FHIT: variants seen among roughly 807,000 people sequenced by gnomAD.
FHIT encodes bis(5'-adenosyl)-triphosphatase.
In FHIT, 19 loss-of-function variants were observed where a neutral mutation model predicts 17.9. That is an observed-to-expected ratio of 1.06 (90% confidence interval 0.74 to 1.56). The LOEUF (loss-of-function observed/expected upper bound fraction) is 1.56, where lower values mean the gene tolerates loss of function less well. Ranked by LOEUF, FHIT falls within the 40% of genes most tolerant of loss-of-function variation. The pLI is 0.00. For synonymous variants in FHIT, 81 were observed against 69.7 expected (o/e 1.16, Z -0.81); for missense variants, 248 against 189.2 (o/e 1.31, Z -1.82).
intron 5 of FHIT, among the ~76,000 whole-genome samples, chr3:60,416,447 G>A (rs1190242670): frequency 1.3e-5 from 2 of 152,144 alleles, no homozygotes; most frequent in African/African-American, 2.4e-5. Context: ...TAGAGTTTGT[G>A]AAACTTTTTA....
chr3:59,761,461 C>T (rs1376219860), intron 8 of FHIT, among the ~76,000 whole-genome samples: 3 of 151,980 alleles, frequency 2.0e-5, no homozygotes, highest in Non-Finnish European at 2.9e-5. Context: ...CATACACAAA[C>T]CTATGATAAA....
intron 1 of FHIT, among the ~76,000 whole-genome samples, chr3:61,203,741 T>C (rs1449856690): frequency 1.3e-5 from 2 of 152,206 alleles, no homozygotes; most frequent in African/African-American, 4.8e-5. Context: ...AAGGGGGTAA[T>C]AAATTGTTTA....
intron 4 of FHIT, among the ~76,000 whole-genome samples, chr3:60,561,021 G>T (rs1022068817): frequency 6.6e-6 from 1 of 151,848 alleles, no homozygotes; most frequent in Non-Finnish European, 1.5e-5. Flanking sequence ...GCAAATAATT[G>T]ATACCCAACA....
intron 5 of FHIT, among the ~76,000 whole-genome samples, chr3:60,396,027 C>T (rs1222514600): frequency 2.0e-5 from 3 of 152,122 alleles, no homozygotes; most frequent in East Asian, 3.9e-4. Flanking sequence ...ACAGCTAACA[C>T]ACCAAGCCTT....
intron 4 of FHIT, among the ~76,000 whole-genome samples, chr3:60,650,278 T>A (rs1391100666): frequency 1.3e-5 from 2 of 152,198 alleles, no homozygotes; most frequent in Non-Finnish European, 2.9e-5. Flanking sequence ...TTTGTCTTAG[T>A]TTCTTGTGGT....
intron 5 of FHIT, among the ~76,000 whole-genome samples, chr3:60,039,685 T>G (rs558212009): frequency 1.3e-5 from 2 of 152,352 alleles, no homozygotes; most frequent in East Asian, 3.9e-4. Flanking sequence ...AAAATAGTCC[T>G]ATAAAGTGTT....
intron 7 of FHIT, among the ~76,000 whole-genome samples, chr3:59,993,391 A>T (rs1699372641): frequency 6.6e-6 from 1 of 152,064 alleles, no homozygotes; most frequent in African/African-American, 2.4e-5. Flanking sequence ...GACTGTATTA[A>T]AACAGTGGTA....
chr3:60,448,101 A>G (rs1027163204), intron 5 of FHIT, among the ~76,000 whole-genome samples: 2 of 152,172 alleles, frequency 1.3e-5, no homozygotes, highest in African/African-American at 2.4e-5. Context: ...GGGACTGTCC[A>G]TGGTGGATAC....
Position 61,120,940 on chromosome 3 carries a change from G to A in FHIT, c.-163-78841C>T, listed in dbSNP as rs144272819. Among the ~76,000 whole-genome samples, 629 of 151,682 alleles carry A rather than the reference G, an allele frequency of 4.1e-3. 4 individuals carry two copies. The highest frequency in any genetic ancestry group is 7.1e-3 in the Non-Finnish European group (480 of 67,924). On this transcript the variant is annotated intron_variant, in intron 2 of 9. Transcript: ENST00000492590. The stretch of plus-strand genomic sequence containing the variant: ...CTGAAAAACACAGCATGAGAACTTC[G>A]TAAAGCATACACAAGTATCATAGTC...
intron 8 of FHIT, among the ~76,000 whole-genome samples, chr3:59,904,079 C>A (rs1179426508): frequency 7.0e-6 from 1 of 143,016 alleles, no homozygotes; most frequent in Non-Finnish European, 1.5e-5. Flanking sequence ...TTTTTTCTCC[C>A]CCACACCCCC....
At chr3:59,793,189 T>C (rs1156541565) in intron 8 of FHIT, among the ~76,000 whole-genome samples, 1 of 152,166 alleles carries the variant, frequency 6.6e-6, no homozygotes, top group Non-Finnish European at 1.5e-5. Flanking sequence ...CTCAAGTTTT[T>C]GCATCTAATT....
chr3:60,209,312 A>G (rs1703341912), intron 5 of FHIT, among the ~76,000 whole-genome samples: 1 of 152,168 alleles, frequency 6.6e-6, no homozygotes, highest in Admixed American at 6.5e-5. Flanking sequence ...GCACAGCTAT[A>G]TTACGTCTAG....
At position 59,998,834 on chromosome 3, in the gene FHIT, A is replaced by G. The variant is rs188123768; in HGVS notation, c.279+12537T>C. 1.8e-4 allele frequency among the ~76,000 whole-genome samples: 27 copies of G among 152,222 alleles called. No individual in the cohort carries two copies. The East Asian group carries it at 5.2e-3, about 29-fold the overall frequency. Reference sequence around the variant, plus strand: ...AGTTTATTTCTGACACCTAAACCTAATCAAAGTCCACTATTTAGAAATCCA... The same window carrying G: ...AGTTTATTTCTGACACCTAAACCTAGTCAAAGTCCACTATTTAGAAATCCA... On this transcript the variant is annotated intron_variant, in intron 7 of 9. Coordinates refer to ENST00000492590, the MANE Select transcript of FHIT (RefSeq NM_002012.4).
chr3:60,877,017 C>T (rs1023877572), intron 3 of FHIT, among the ~76,000 whole-genome samples: 2 of 152,182 alleles, frequency 1.3e-5, no homozygotes, highest in African/African-American at 4.8e-5. Context: ...CCTCCACCAA[C>T]ACCTTGGACA....
chr3:60,204,637 T>C (rs551318207), intron 5 of FHIT, among the ~76,000 whole-genome samples: 1 of 151,972 alleles, frequency 6.6e-6, no homozygotes, highest in East Asian at 1.9e-4. Flanking sequence ...CCAATAAAAA[T>C]GAAAAGATGC....
chr3:61,153,254 T>C (rs552690636), intron 2 of FHIT, among the ~76,000 whole-genome samples: 1 of 151,824 alleles, frequency 6.6e-6, no homozygotes, highest in Non-Finnish European at 1.5e-5. Flanking sequence ...CAAGTTGCCA[T>C]AAATTGAAAA....
At chr3:61,176,158 T>C (rs1416962200) in intron 2 of FHIT, among the ~76,000 whole-genome samples, 6 of 152,262 alleles carry the variant, frequency 3.9e-5, no homozygotes. Context: ...GGCCAAGTAC[T>C]GAAACTCTTC....
In FHIT at chr3:60,908,580, T is replaced by C. The variant is rs551615410; in HGVS notation, c.-110-86569A>G. ...GAATGGAAAAATAGACACAAAAAGC[T>C]ATGGAGAAGAGAGACTGAAACAGAC... On this transcript the variant is annotated intron_variant, in intron 3 of 9. Coordinates refer to ENST00000492590, the MANE Select transcript of FHIT (RefSeq NM_002012.4). Among the ~76,000 whole-genome samples the C allele has an allele frequency of 2.3e-4, 35 of 151,422 alleles. 1 individual carries two copies. Among genetic ancestry groups the C allele is most frequent in the Admixed American group, 9.8e-4 (15 of 15,252 alleles).
chr3:60,802,585 G>A lies in FHIT; in HGVS notation c.-18+19334C>T, dbSNP rs368283803. Among the ~76,000 whole-genome samples the A allele has an allele frequency of 5.3e-5, 8 of 152,062 alleles. No homozygotes were observed. The South Asian group carries it at 1.0e-3, about 20-fold the overall frequency. The stretch of plus-strand genomic sequence containing the variant: ...AGTTTTCAAAATGTCCTTCATCCTC[G>A]ATTTTGCCTCAATATTTGTTTTTTT... On this transcript the variant is annotated intron_variant, in intron 4 of 9. Coordinates refer to ENST00000492590, the MANE Select transcript of FHIT (RefSeq NM_002012.4).
Sources: allele counts gnomAD v4.1 joint callset (sites outside exome capture counted in the v4.1 genomes callset), GRCh38; gene constraint gnomAD v4.1.1; transcripts MANE v1.5; gene names NCBI Gene and HGNC (gene_info 2026-07-23, HGNC 2026-07-21).